LIG1: variants seen among roughly 807,000 people sequenced by gnomAD.
The protein encoded by LIG1 is DNA ligase 1.
In LIG1, 70 loss-of-function variants were observed where a neutral mutation model predicts 115.7. The observed-to-expected ratio is 0.60, with a 90% CI of 0.50 to 0.74. The LOEUF (loss-of-function observed/expected upper bound fraction) is 0.74, where lower values mean the gene tolerates loss of function less well. Among genes scored for constraint, LIG1 ranks in the 30% least tolerant of loss-of-function variants. The pLI, the probability that LIG1 is intolerant of heterozygous loss-of-function variation, is 0.00. For synonymous variants in LIG1, 487 were observed against 495.3 expected (o/e 0.98, Z 0.22); for missense variants, 1,115 against 1,225.6 (o/e 0.91, Z 1.35).
intron 25 of LIG1, 72 bp downstream of exon 25, chr19:48,119,065 G>GCATGGAAGGACTGTGCTGT (rs2033073085): frequency 1.6e-6 from 2 of 1,259,502 alleles, no homozygotes; most frequent in African/African-American, 1.5e-5. Flanking sequence ...CAAGAGCCCT[G>GCATGGAAGGACTGTGCTGT]CATGGAAGGA....
Position 48,117,553 on chromosome 19 carries a change from G to T in LIG1, c.2583+85C>A. 4.2e-6 allele frequency: 6 copies of T among 1,422,274 alleles called. 1 individual carries two copies. In the South Asian group the frequency reaches 7.3e-5, roughly 17 times the overall value. 88.1% of individuals were successfully genotyped at this position (1,422,274 alleles called of 1,614,324 possible). A position where few individuals can be genotyped will look rare whatever the true frequency, so the allele number is the denominator to read the frequency against. On this transcript the variant is annotated intron_variant, in intron 26 of 27. Transcript: ENST00000263274. ...GATCCTTACCTGGAAGAGCAGATGT[G>T]AGCCAAGGTCCCCTCCCTACTCTGC...
chr19:48,132,790 CAAAAAAAAAAA>C (rs71181649), intron 18 of LIG1, among the ~76,000 whole-genome samples, 181 bp downstream of exon 18: 10 of 48,258 alleles, frequency 2.1e-4, no homozygotes, highest in South Asian at 9.6e-4. Context: ...GACTCTGTCT[CAAAAAAAAAAA>C]AAAAAAAAAA....
chr19:48,116,963 C>T (rs1248724038), intron 26 of LIG1, among the ~76,000 whole-genome samples: 1 of 152,016 alleles, frequency 6.6e-6, no homozygotes, highest in Admixed American at 6.6e-5. Context: ...ATGGTGAAAC[C>T]CCGTCTCTAC....
rs559755035 is a variant in LIG1, at chr19:48,127,259, C to T, written c.2004+18G>A. The T allele has an allele frequency of 6.2e-7, 1 of 1,609,212 alleles. No individual in the cohort carries two copies. Among genetic ancestry groups the T allele is most frequent in the Admixed American group, 1.7e-5 (1 of 60,008 alleles). On this transcript the variant is annotated intron_variant, in intron 21 of 27. Transcript: ENST00000263274. ...CCGTCACCCCTCAGCTGCCCCTGGA[C>T]AGGAAGCTGGAACTCACCTCTCCAT...
intron 8 of LIG1, 103 bp from the exon 9 acceptor site, chr19:48,149,944 A>G: frequency 6.5e-7 from 1 of 1,547,214 alleles, no homozygotes; most frequent in Non-Finnish European, 8.8e-7. Flanking sequence ...GGGAGATGGG[A>G]GACAGGCTGG....
In LIG1 at chr19:48,137,463, G is replaced by T. The variant is rs750815603; in HGVS notation, c.1254+59C>A. ...CTACCCAGAAGCCTTCCTGACACAC[G>T]CGTGGCCTCAGGTCCCCAAGATGTC... On this transcript the variant is annotated intron_variant, in intron 13 of 27. Coordinates refer to ENST00000263274, the MANE Select transcript of LIG1 (RefSeq NM_000234.3). This position sits in a 1 kb window ranked among gnomAD's most constrained non-coding sequence, Gnocchi z 4.3. 42 of 1,594,542 alleles carry T rather than the reference G, an allele frequency of 2.6e-5. No homozygotes were observed. The highest frequency in any genetic ancestry group is 5.5e-5 in the South Asian group (5 of 90,310).
intron 16 of LIG1, among the ~76,000 whole-genome samples, chr19:48,134,529 G>A (rs1200303926): frequency 6.6e-6 from 1 of 152,154 alleles, no homozygotes; most frequent in Non-Finnish European, 1.5e-5. Flanking sequence ...GTGGTGGCAC[G>A]CGCCTGTAGT....
Position 48,165,589 on chromosome 19 carries a change from C to G in LIG1, c.-23G>C. The G allele has an allele frequency of 1.2e-6, 2 of 1,614,070 alleles. No individual in the cohort carries two copies. The highest frequency in any genetic ancestry group is 4.5e-5 in the East Asian group (2 of 44,874). On this transcript the variant is annotated 5_prime_UTR_variant, in exon 2 of 28. Transcript: ENST00000263274. Reference sequence around the variant, plus strand: ...CATGTTGGCGTCAGAATTCTCCCTTCCTGTCCAGCACTTTTCTTCGTCTGT... The same window carrying G: ...CATGTTGGCGTCAGAATTCTCCCTTGCTGTCCAGCACTTTTCTTCGTCTGT...
chr19:48,157,767 G>C (rs757658026), intron 4 of LIG1, among the ~76,000 whole-genome samples: 2 of 152,046 alleles, frequency 1.3e-5, no homozygotes, highest in Non-Finnish European at 2.9e-5. Flanking sequence ...GGCTGGTCTC[G>C]AACTCCTGAG....
At chr19:48,147,824 G>GAA (rs5828335) in intron 9 of LIG1, among the ~76,000 whole-genome samples, 21 of 149,580 alleles carry the variant, frequency 1.4e-4, no homozygotes, top group East Asian at 3.9e-4. Context: ...ATTGACTAGT[G>GAA]AAAAAAAAAA....
chr19:48,157,157 C>G lies in LIG1; in HGVS notation c.244-17G>C. 7 of 1,607,758 alleles carry G rather than the reference C, an allele frequency of 4.4e-6. No homozygotes were observed. The highest frequency in any genetic ancestry group is 6.0e-6 in the Non-Finnish European group (7 of 1,176,414). On this transcript the variant is annotated splice_polypyrimidine_tract_variant and intron_variant, in intron 4 of 27. Coordinates refer to ENST00000263274, the MANE Select transcript of LIG1 (RefSeq NM_000234.3). Reference sequence around the variant, plus strand: ...GGCAGGCTTCTGGAAGAGGAAAGAACAGTTCTAGAGTGAGCGGGGGAAGGA... The same window carrying G: ...GGCAGGCTTCTGGAAGAGGAAAGAAGAGTTCTAGAGTGAGCGGGGGAAGGA...
At chr19:48,132,869 G>C in intron 18 of LIG1, 113 bp downstream of exon 18, 1 of 787,266 alleles carries the variant, frequency 1.3e-6, no homozygotes, top group South Asian at 1.3e-5. Flanking sequence ...AGATGAGCGA[G>C]GGCTCGGCAG....
chr19:48,162,788 C>T (rs2036258910), intron 2 of LIG1, among the ~76,000 whole-genome samples: 1 of 152,060 alleles, frequency 6.6e-6, no homozygotes, highest in South Asian at 2.1e-4. Flanking sequence ...TTCAAATAAG[C>T]CCTTTAACTT....
At chr19:48,127,571 T>G (rs2033753575) in intron 20 of LIG1, 1 of 613,120 alleles carries the variant, frequency 1.6e-6, no homozygotes, top group African/African-American at 1.8e-5. Context: ...TCTCCTAGAC[T>G]TTTCTGCAGC....
intron 14 of LIG1, 23 bp from the exon 15 acceptor site, chr19:48,136,148 A>G: frequency 6.5e-7 from 1 of 1,543,258 alleles, no homozygotes; most frequent in East Asian, 2.4e-5. Context: ...CAGGCCAGGG[A>G]AGGGGGCTTG....
intron 1 of LIG1, among the ~76,000 whole-genome samples, chr19:48,168,235 C>T (rs554617688): frequency 6.6e-5 from 10 of 152,344 alleles, no homozygotes; most frequent in Admixed American, 6.5e-4. Context: ...GAAGCCTACT[C>T]TATGCCTGAC....
At chr19:48,130,103 T>C (rs1349974338) in intron 19 of LIG1, among the ~76,000 whole-genome samples, 1 of 152,176 alleles carries the variant, frequency 6.6e-6, no homozygotes, top group Non-Finnish European at 1.5e-5. Context: ...ATACATTCAT[T>C]GGGGTGTCGG....
intron 21 of LIG1, among the ~76,000 whole-genome samples, chr19:48,124,917 A>G (rs2033561381): frequency 6.6e-6 from 1 of 152,044 alleles, no homozygotes; most frequent in Non-Finnish European, 1.5e-5. Flanking sequence ...TGGGAGGCTG[A>G]CGCAGGAGAA....
chr19:48,126,348 G>C (rs2033667220), intron 21 of LIG1, among the ~76,000 whole-genome samples: 1 of 152,138 alleles, frequency 6.6e-6, no homozygotes, highest in African/African-American at 2.4e-5. Context: ...GTTCACGCCT[G>C]TAATCCCAGC....
Sources: gnomAD v4.1 joint callset for allele counts (sites outside exome capture counted in the v4.1 genomes callset) on GRCh38, gnomAD v4.1.1 for gene constraint, Gnocchi (gnomAD v3.1) non-coding constraint, MANE v1.5 for transcripts, NCBI Gene and HGNC (gene_info 2026-07-23, HGNC 2026-07-21) for gene names.